The following LPIN2 variants were observed in gnomAD, a reference collection of about 807,000 sequenced individuals.
LPIN2 encodes the protein lipin 2, also known as phosphatidate phosphatase LPIN2.
In LPIN2, 55 loss-of-function variants were observed where a neutral mutation model predicts 111.4. That is an observed-to-expected ratio of 0.49 (90% CI 0.40 to 0.62). LPIN2 has a LOEUF of 0.62. LPIN2 is among the 20% of genes least tolerant of loss of function. The pLI, the probability that LPIN2 is intolerant of heterozygous loss-of-function variation, is 0.00. For missense variants in LPIN2, 992 were observed against 1,112.1 expected, an observed-to-expected ratio of 0.89 and a Z score of 1.54; for synonymous variants, 425 against 414.0, an observed-to-expected ratio of 1.03 and a Z score of -0.32.
intron 1 of LPIN2, among the ~76,000 whole-genome samples, chr18:3,006,664 C>T (rs544306816): frequency 2.5e-4 from 38 of 152,110 alleles, no homozygotes; most frequent in Non-Finnish European, 4.4e-4. Flanking sequence ...GGTGAAACCC[C>T]GTCTCTACTA....
At chr18:2,929,606 A>G (rs1299986470) in intron 9 of LPIN2, among the ~76,000 whole-genome samples, 2 of 152,168 alleles carry the variant, frequency 1.3e-5, no homozygotes, top group Admixed American at 6.5e-5. Flanking sequence ...ATATCAAAAC[A>G]TATCTTAAAA....
chr18:2,921,828 A>G lies in LPIN2; in HGVS notation c.2328-181T>C. 2 of 777,680 alleles carry G rather than the reference A, an allele frequency of 2.6e-6. 1 individual carries two copies. The highest frequency in any genetic ancestry group is 3.5e-5 in the South Asian group (2 of 56,658). The allele number at this position is 777,680 out of a possible 1,614,324, so 48.2% of individuals were successfully genotyped here. On this transcript the variant is annotated intron_variant, in intron 17 of 19. Transcript: ENST00000677752. ...AAATTTGAGTGATGAAGTTTAGGGA[A>G]GGAGAAAACTTGACGGTTCCTAGAA...
At chr18:2,977,673 T>C (rs537966130) in intron 1 of LPIN2, among the ~76,000 whole-genome samples, 1 of 152,148 alleles carries the variant, frequency 6.6e-6, no homozygotes, top group South Asian at 2.1e-4. Flanking sequence ...CACAGGACAA[T>C]CTGAGCAACA....
At chr18:2,956,311 GGTGTGTGTGTGTGT>G (rs55844718) in intron 2 of LPIN2, among the ~76,000 whole-genome samples, 4 of 143,958 alleles carry the variant, frequency 2.8e-5, no homozygotes, top group Non-Finnish European at 4.5e-5. Flanking sequence ...TAGATGCAGG[GGTGTGTGTGTGTGT>G]GTGTGTGTGT....
At chr18:2,986,248 C>T (rs2078183848) in intron 1 of LPIN2, among the ~76,000 whole-genome samples, 1 of 152,200 alleles carries the variant, frequency 6.6e-6, no homozygotes, top group Non-Finnish European at 1.5e-5. Context: ...AGTTTAACTG[C>T]TCATTGGGTA....
At chr18:2,960,477 T>G in intron 2 of LPIN2, 172 bp downstream of exon 2, 1 of 674,254 alleles carries the variant, frequency 1.5e-6, no homozygotes. Context: ...TACATAAAGG[T>G]TGACTTCTCG....
chr18:3,006,009 T>C (rs1212411831), intron 1 of LPIN2, among the ~76,000 whole-genome samples: 2 of 152,204 alleles, frequency 1.3e-5, no homozygotes, highest in Non-Finnish European at 2.9e-5. Flanking sequence ...AGGCAGGTCA[T>C]CGCTACCACA....
At chr18:2,993,223 AAG>A (rs1376413745) in intron 1 of LPIN2, among the ~76,000 whole-genome samples, 2 of 151,952 alleles carry the variant, frequency 1.3e-5, no homozygotes, top group Admixed American at 1.3e-4. Flanking sequence ...AAGAAGAAAG[AAG>A]AAAGAAAAAA....
At chr18:2,938,079 G>A (rs1321056005) in intron 6 of LPIN2, 42 bp from the exon 7 acceptor site, 4 of 1,452,264 alleles carry the variant, frequency 2.8e-6, no homozygotes, top group Non-Finnish European at 3.8e-6. Flanking sequence ...TACTTTCAGA[G>A]TATTTGTTAT....
Position 2,987,168 on chromosome 18 carries a change from T to A in LPIN2, c.-10+25919A>T, listed in dbSNP as rs1474058142. Among the ~76,000 whole-genome samples, 3 of 152,318 alleles carry A rather than the reference T, an allele frequency of 2.0e-5. No homozygotes were observed. In the East Asian group the frequency reaches 5.8e-4, roughly 29 times the overall value. ...TCCTGTTGAAATGCAAGTCTTACTATCATCAAATTTTAAAACACTAAATAA... is the reference window on the plus strand; with the variant it reads ...TCCTGTTGAAATGCAAGTCTTACTAACATCAAATTTTAAAACACTAAATAA... On this transcript the variant is annotated intron_variant, in intron 1 of 19. Transcript: ENST00000677752.
At chr18:2,949,493 G>A (rs905622510) in intron 4 of LPIN2, among the ~76,000 whole-genome samples, 4 of 152,076 alleles carry the variant, frequency 2.6e-5, no homozygotes, top group African/African-American at 7.2e-5. Flanking sequence ...TTCTATTGGA[G>A]AAATTCTGCA....
chr18:2,947,709 T>C (rs997318048), intron 4 of LPIN2, among the ~76,000 whole-genome samples: 9 of 152,214 alleles, frequency 5.9e-5, no homozygotes, highest in African/African-American at 2.2e-4. Context: ...GGAAAAATAA[T>C]TTCTTTTCTA....
At chr18:2,988,135 C>A (rs1045994991) in intron 1 of LPIN2, among the ~76,000 whole-genome samples, 2 of 151,980 alleles carry the variant, frequency 1.3e-5, no homozygotes, top group African/African-American at 4.8e-5. Flanking sequence ...TGGCAACCCT[C>A]CTTTGTTTCT....
intron 2 of LPIN2, among the ~76,000 whole-genome samples, chr18:2,958,829 C>T (rs79603408): frequency 6.6e-6 from 1 of 152,054 alleles, no homozygotes; most frequent in East Asian, 1.9e-4. Context: ...TCTACTTGGT[C>T]ACCATTTACA....
chr18:2,977,467 T>A (rs1598592071), intron 1 of LPIN2, among the ~76,000 whole-genome samples: 1 of 152,216 alleles, frequency 6.6e-6, no homozygotes, highest in African/African-American at 2.4e-5. Context: ...GCTCAGATCT[T>A]GCTTTCTGAA....
At chr18:2,963,155 G>A (rs1014221920) in intron 1 of LPIN2, among the ~76,000 whole-genome samples, 4 of 152,146 alleles carry the variant, frequency 2.6e-5, no homozygotes, top group Admixed American at 2.6e-4. Context: ...AAAAGTAAAG[G>A]GAGGCCTGTA....
intron 17 of LPIN2, 92 bp downstream of exon 17, chr18:2,921,955 C>A (rs1312551507): frequency 1.1e-5 from 16 of 1,482,338 alleles, no homozygotes; most frequent in East Asian, 2.4e-5. Flanking sequence ...GCTCCAACAT[C>A]TGACTTCTGT....
At position 2,946,441 on chromosome 18, in the gene LPIN2, G is replaced by C. The variant is rs772949939; in HGVS notation, c.590+4614C>G. 4.9e-6 allele frequency: 7 copies of C among 1,438,056 alleles called. No individual in the cohort carries two copies. The South Asian group carries it at 8.0e-5, about 16-fold the overall frequency. 89.1% of individuals were successfully genotyped at this position (1,438,056 alleles called of 1,614,324 possible). ...ACCAACCCTTTAATGCATCGTGAAAGACTGGAACGCCTGGGTGATATGTGC... is the reference window on the plus strand; with the variant it reads ...ACCAACCCTTTAATGCATCGTGAAACACTGGAACGCCTGGGTGATATGTGC... On this transcript the variant is annotated intron_variant, in intron 4 of 19. Transcript: ENST00000677752.
At chr18:2,931,578 A>G (rs2077214402) in intron 8 of LPIN2, 135 bp from the exon 9 acceptor site, 2 of 804,100 alleles carry the variant, frequency 2.5e-6, no homozygotes, top group South Asian at 2.9e-5. Context: ...AATCAGGCAT[A>G]ACTTTTCTTA....
Sources: allele counts gnomAD v4.1 joint callset (sites outside exome capture counted in the v4.1 genomes callset), GRCh38; gene constraint gnomAD v4.1.1; transcripts MANE v1.5; gene names NCBI Gene and HGNC (gene_info 2026-07-23, HGNC 2026-07-21).